Variants in CDH13 observed in about 807,000 individuals in gnomAD.
The protein encoded by CDH13 is cadherin 13, also known as cadherin-13.
In CDH13, 24 loss-of-function variants were observed where a neutral mutation model predicts 63.8. The ratio of observed to expected loss-of-function variants is 0.38; its 90% CI spans 0.27 to 0.53. CDH13 has a LOEUF of 0.53. Among genes scored for constraint, CDH13 ranks in the 20% least tolerant of loss-of-function variants. The pLI is 0.85. For synonymous variants in CDH13, 503 were observed against 355.3 expected, an observed-to-expected ratio of 1.42 and a Z score of -4.67; for missense variants, 1,049 against 903.1, an observed-to-expected ratio of 1.16 and a Z score of -2.07.
At chr16:83,418,169 C>T (rs79792191) in intron 6 of CDH13, among the ~76,000 whole-genome samples, 9,630 of 152,250 alleles carry the variant, frequency 0.063, 331 homozygotes, top group African/African-American at 0.075. Context: ...CCTCGTCTTA[C>T]TGTGCTACAC....
At chr16:83,011,396 C>A (rs1914138346) in intron 2 of CDH13, among the ~76,000 whole-genome samples, 1 of 152,080 alleles carries the variant, frequency 6.6e-6, no homozygotes. Context: ...ACATTCAATC[C>A]CCAGGGAATT....
At chr16:83,121,577 A>C (rs144899323) in intron 3 of CDH13, among the ~76,000 whole-genome samples, 78 of 152,358 alleles carry the variant, frequency 5.1e-4, no homozygotes, top group African/African-American at 1.7e-3. Flanking sequence ...TGGTCTTCAC[A>C]GTTGCCTTAT....
intron 1 of CDH13, among the ~76,000 whole-genome samples, chr16:82,811,762 C>G (rs1286858391): frequency 6.6e-6 from 1 of 152,050 alleles, no homozygotes; most frequent in Middle Eastern, 3.2e-3. Flanking sequence ...TAGATAAACT[C>G]TATGACAATT....
intron 1 of CDH13, among the ~76,000 whole-genome samples, chr16:82,761,566 G>A (rs2034859607): frequency 6.6e-6 from 1 of 152,168 alleles, no homozygotes; most frequent in Admixed American, 6.5e-5. Flanking sequence ...ATTGCATCAT[G>A]AATATGCTGA....
intron 8 of CDH13, among the ~76,000 whole-genome samples, chr16:83,613,872 C>T (rs1909066995): frequency 6.6e-6 from 1 of 152,078 alleles, no homozygotes; most frequent in South Asian, 2.1e-4. Context: ...TAATTACACT[C>T]ATATTTTAAA....
chr16:83,065,282 T>C (rs2031911839), intron 3 of CDH13, among the ~76,000 whole-genome samples: 1 of 152,152 alleles, frequency 6.6e-6, no homozygotes, highest in Non-Finnish European at 1.5e-5. Flanking sequence ...CAGGACAGTG[T>C]AGTATTGCAC....
chr16:83,236,883 A>G (rs1196400641), intron 5 of CDH13, among the ~76,000 whole-genome samples: 2 of 152,106 alleles, frequency 1.3e-5, no homozygotes, highest in African/African-American at 2.4e-5. Flanking sequence ...TTGGAACTAG[A>G]CAGAGGTGGT....
At chr16:83,585,779 CG>C (rs11326584) in intron 7 of CDH13, among the ~76,000 whole-genome samples, 1,891 of 152,128 alleles carry the variant, frequency 0.012, 43 homozygotes, top group African/African-American at 0.043. Context: ...ATACAGGGCT[CG>C]TGGAAAGAGC....
chr16:82,857,032 T>A (rs1481072441), intron 1 of CDH13, among the ~76,000 whole-genome samples: 2 of 152,210 alleles, frequency 1.3e-5, no homozygotes, highest in Non-Finnish European at 2.9e-5. Context: ...TCCACAAGTT[T>A]TAGAGACATA....
intron 1 of CDH13, among the ~76,000 whole-genome samples, chr16:82,739,232 G>A (rs934434717): frequency 1.3e-5 from 2 of 151,760 alleles, no homozygotes; most frequent in Admixed American, 6.6e-5. Flanking sequence ...ATAAATCAGA[G>A]GAAAAATCCT....
intron 1 of CDH13, among the ~76,000 whole-genome samples, chr16:82,697,462 C>G (rs2030457678): frequency 2.4e-5 from 3 of 123,454 alleles, no homozygotes; most frequent in African/African-American, 9.0e-5. Context: ...CAGAGTCTCA[C>G]TCTGTCACTG....
intron 8 of CDH13, among the ~76,000 whole-genome samples, chr16:83,650,359 C>G (rs1912253086): frequency 6.6e-6 from 1 of 152,230 alleles, no homozygotes; most frequent in Non-Finnish European, 1.5e-5. Flanking sequence ...CTGGCAACAT[C>G]TGATTCAATT....
intron 1 of CDH13, among the ~76,000 whole-genome samples, chr16:82,780,694 A>T (rs1036725812): frequency 6.6e-6 from 1 of 152,360 alleles, no homozygotes; most frequent in Non-Finnish European, 1.5e-5. Flanking sequence ...TAAAATTACA[A>T]TTGGCATGAT....
chr16:83,650,811 G>A (rs1912302299), intron 8 of CDH13, among the ~76,000 whole-genome samples: 1 of 152,172 alleles, frequency 6.6e-6, no homozygotes, highest in Non-Finnish European at 1.5e-5. Context: ...GGTGGCTAAT[G>A]CCTGTTATCT....
At chr16:83,271,024 T>C (rs568769519) in intron 5 of CDH13, among the ~76,000 whole-genome samples, 1 of 151,460 alleles carries the variant, frequency 6.6e-6, no homozygotes, top group East Asian at 2.0e-4. Context: ...TCACTCTAAG[T>C]GCTAAGTATA....
intron 3 of CDH13, among the ~76,000 whole-genome samples, chr16:83,119,846 G>T (rs1256465311): frequency 6.6e-6 from 1 of 152,120 alleles, no homozygotes; most frequent in East Asian, 1.9e-4. Flanking sequence ...GATCAAAGGT[G>T]GGTACAGCCA....
rs946680959 is a variant in CDH13 at position 83,320,181 on chromosome 16, A to G, written c.637-24681A>G. On this transcript the variant is annotated intron_variant, in intron 5 of 13. Transcript: ENST00000567109. ...CAACCTCACGAGTAGCTACGACTAC[A>G]GGTATGCCCCACTATGCCTGGATAA... 3.1e-4 allele frequency among the ~76,000 whole-genome samples: 47 copies of G among 151,264 alleles called. 1 individual carries two copies. The highest frequency in any genetic ancestry group is 1.1e-3 in the African/African-American group (47 of 41,178).
chr16:83,217,011 T>G (rs976389234), intron 4 of CDH13, among the ~76,000 whole-genome samples: 10 of 152,068 alleles, frequency 6.6e-5, no homozygotes, highest in Admixed American at 2.6e-4. Flanking sequence ...CAGATAAATA[T>G]TTTTTTGAAA....
chr16:83,414,370 G>A (rs1053428241), intron 6 of CDH13, among the ~76,000 whole-genome samples: 2 of 151,978 alleles, frequency 1.3e-5, no homozygotes, highest in African/African-American at 4.8e-5. Context: ...ACCACAGTCT[G>A]ATTTTATATT....
Sources: allele counts gnomAD v4.1 joint callset (sites outside exome capture counted in the v4.1 genomes callset), GRCh38; gene constraint gnomAD v4.1.1; transcripts MANE v1.5; gene names NCBI Gene and HGNC (gene_info 2026-07-23, HGNC 2026-07-21).